ACTR3C: variants seen among roughly 807,000 people sequenced by gnomAD.
ACTR3C encodes actin related protein 3C.
In ACTR3C, 18 loss-of-function variants were observed where a neutral mutation model predicts 26.3. The ratio of observed to expected loss-of-function variants is 0.68; its 90% CI spans 0.47 to 1.01. The LOEUF (loss-of-function observed/expected upper bound fraction) is 1.01, where lower values mean the gene tolerates loss of function less well. Among genes scored for constraint, ACTR3C ranks in the 50% least tolerant of loss-of-function variants. The pLI, the probability that ACTR3C is intolerant of heterozygous loss-of-function variation, is 0.00. For synonymous variants in ACTR3C, 55 were observed against 94.5 expected, an observed-to-expected ratio of 0.58 and a Z score of 2.42; for missense variants, 184 against 250.7, an observed-to-expected ratio of 0.73 and a Z score of 1.80.
chr7:149,938,440 A>T, the ACTR3C span, among the ~76,000 whole-genome samples: 26 of 2,978 alleles, frequency 8.7e-3, no homozygotes, highest in Non-Finnish European at 0.054. Flanking sequence ...AATTTAGGAG[A>T]TTTTTTTTAA....
the ACTR3C span, among the ~76,000 whole-genome samples, chr7:149,937,012 A>G: frequency 8.7e-3 from 1,320 of 151,574 alleles, 10 homozygotes; most frequent in African/African-American, 0.031. Flanking sequence ...CTGGGCTGGA[A>G]CTCCTGGGCT....
chr7:149,915,578 A>T, the ACTR3C span, among the ~76,000 whole-genome samples: 7 of 151,852 alleles, frequency 4.6e-5, no homozygotes, highest in East Asian at 1.9e-4. Flanking sequence ...CAATATTTTT[A>T]AAAGAAATAT....
At chr7:149,922,970 CTTTTTTTTTTTTTT>C in the ACTR3C span, among the ~76,000 whole-genome samples, 4 of 69,160 alleles carry the variant, frequency 5.8e-5, no homozygotes, top group East Asian at 2.3e-3. Flanking sequence ...AAATAAAAGG[CTTTTTTTTTTTTTT>C]TTTTTTTTTT....
chr7:150,028,005 T>TA, the ACTR3C span, among the ~76,000 whole-genome samples: 5 of 152,218 alleles, frequency 3.3e-5, no homozygotes, highest in African/African-American at 1.2e-4. Context: ...GCCCAAAAAA[T>TA]AAAAAAATTA....
chr7:150,101,448 ACT>A, the ACTR3C span, among the ~76,000 whole-genome samples: 1 of 151,712 alleles, frequency 6.6e-6, no homozygotes, highest in South Asian at 2.1e-4. Flanking sequence ...CAGGGAAATA[ACT>A]CTCTTCTGAC....
chr7:150,047,202 A>G, the ACTR3C span, among the ~76,000 whole-genome samples: 1 of 151,712 alleles, frequency 6.6e-6, no homozygotes, highest in South Asian at 2.1e-4. Flanking sequence ...AAGGTGCCTG[A>G]GGCTGTGTTC....
the ACTR3C span, among the ~76,000 whole-genome samples, chr7:150,003,521 TG>T: frequency 5.3e-5 from 8 of 151,738 alleles, no homozygotes; most frequent in Non-Finnish European, 1.0e-4. Flanking sequence ...GTGTGGTATG[TG>T]ATGTGGTATG....
the ACTR3C span, among the ~76,000 whole-genome samples, chr7:150,149,125 A>G: frequency 2.0e-5 from 2 of 102,190 alleles, no homozygotes; most frequent in Admixed American, 2.2e-4. Context: ...ATATATATAT[A>G]TGCATTGGCC....
chr7:150,285,000 G>A (rs1041672201), intron 5 of ACTR3C, among the ~76,000 whole-genome samples, 155 bp from the exon 6 acceptor site: 14 of 152,234 alleles, frequency 9.2e-5, no homozygotes, highest in African/African-American at 3.4e-4. Flanking sequence ...AATCCCATGT[G>A]ACTACGTGTG....
chr7:149,994,745 T>A, the ACTR3C span, among the ~76,000 whole-genome samples: 1,125 of 151,938 alleles, frequency 7.4e-3, 12 homozygotes, highest in African/African-American at 0.026. Context: ...GCCTAGAAAA[T>A]CTTGGAGGAG....
chr7:149,909,002 G>A, the ACTR3C span, among the ~76,000 whole-genome samples: 1 of 151,468 alleles, frequency 6.6e-6, no homozygotes, highest in African/African-American at 2.4e-5. Flanking sequence ...GGCTGGTCTC[G>A]AACTCCTGAC....
At chr7:150,018,975 CAA>C in the ACTR3C span, among the ~76,000 whole-genome samples, 4 of 150,136 alleles carry the variant, frequency 2.7e-5, no homozygotes, top group African/African-American at 7.5e-5. Flanking sequence ...ATTGAGAAAA[CAA>C]ATATTCTTTA....
chr7:150,167,793 C>T, the ACTR3C span, among the ~76,000 whole-genome samples: 31 of 150,624 alleles, frequency 2.1e-4, 1 homozygote, highest in African/African-American at 7.8e-4. Flanking sequence ...CCACTGCCAG[C>T]ATACAACAAA....
intron 1 of ACTR3C, among the ~76,000 whole-genome samples, chr7:150,313,213 A>C (rs1223197370): frequency 1.3e-5 from 2 of 152,114 alleles, no homozygotes; most frequent in Non-Finnish European, 2.9e-5. Context: ...GCCCACTTGC[A>C]CCCAAGTGAA....
At chr7:149,919,571 AC>A in the ACTR3C span, among the ~76,000 whole-genome samples, 1 of 151,872 alleles carries the variant, frequency 6.6e-6, no homozygotes, top group Non-Finnish European at 1.5e-5. Context: ...TTTTTTTCCA[AC>A]CTTTTACTTT....
chr7:150,183,696 C>CAAAAAAAAAAAAAAAAAAAAAAA, the ACTR3C span, among the ~76,000 whole-genome samples: 1 of 48,034 alleles, frequency 2.1e-5, no homozygotes, highest in African/African-American at 6.9e-5. Flanking sequence ...GTGGCTATGG[C>CAAAAAAAAAAAAAAAAAAAAAAA]AAAAAAAAAA....
chr7:149,974,537 G>T, the ACTR3C span, among the ~76,000 whole-genome samples: 8 of 152,124 alleles, frequency 5.3e-5, no homozygotes, highest in Non-Finnish European at 1.0e-4. Context: ...CGTCACCACT[G>T]CTGCCCCTCC....
At chr7:150,122,749 A>G in the ACTR3C span, among the ~76,000 whole-genome samples, 1 of 152,272 alleles carries the variant, frequency 6.6e-6, no homozygotes, top group African/African-American at 2.4e-5. Flanking sequence ...TATATACCCA[A>G]AGGATTATAA....
intron 6 of ACTR3C, among the ~76,000 whole-genome samples, chr7:150,265,370 T>G (rs1277060715): frequency 6.7e-6 from 1 of 148,652 alleles, no homozygotes; most frequent in African/African-American, 2.6e-5. Flanking sequence ...TGTAATAGAT[T>G]TTTTTAAAAA....
Sources: gnomAD v4.1 joint callset for allele counts (sites outside exome capture counted in the v4.1 genomes callset) on GRCh38, gnomAD v4.1.1 for gene constraint, MANE v1.5 for transcripts, NCBI Gene and HGNC (gene_info 2026-07-23, HGNC 2026-07-21) for gene names.